The following SGIP1 variants were observed in gnomAD, a reference collection of about 807,000 sequenced individuals.
SGIP1 encodes the protein SH3GL interacting endocytic adaptor 1, also known as SH3-containing GRB2-like protein 3-interacting protein 1.
In SGIP1, 38 loss-of-function variants were observed where a neutral mutation model predicts 107.5. The ratio of observed to expected loss-of-function variants is 0.35; its 90% CI spans 0.27 to 0.46. The LOEUF (loss-of-function observed/expected upper bound fraction) is 0.46. Ranked by LOEUF, SGIP1 falls within the 20% of genes least tolerant of loss-of-function variation. The pLI is 1.00. For missense variants in SGIP1, 929 were observed against 1,019.5 expected (o/e 0.91, Z 1.21); for synonymous variants, 365 against 366.1 (o/e 1.00, Z 0.03).
At chr1:66,687,129 TTTC>T (rs1411607733) in intron 15 of SGIP1, among the ~76,000 whole-genome samples, 15 of 152,208 alleles carry the variant, frequency 9.9e-5, no homozygotes, top group African/African-American at 3.6e-4. Flanking sequence ...GGAGTTTAAA[TTTC>T]TTTTTTCTGG....
At chr1:66,689,385 A>G (rs2089299238) in intron 16 of SGIP1, 110 bp downstream of exon 16, 6 of 1,375,794 alleles carry the variant, frequency 4.4e-6, no homozygotes, top group Non-Finnish European at 5.9e-6. Context: ...CAACCCTGAC[A>G]GGTGGCATCT....
intron 1 of SGIP1, among the ~76,000 whole-genome samples, chr1:66,562,358 A>C (rs1392775867): frequency 6.6e-6 from 1 of 152,056 alleles, no homozygotes; most frequent in Non-Finnish European, 1.5e-5. Context: ...CAGGGAGATA[A>C]AATTCTTCTC....
intron 1 of SGIP1, among the ~76,000 whole-genome samples, chr1:66,576,736 C>G (rs2061121602): frequency 6.6e-6 from 1 of 152,144 alleles, no homozygotes; most frequent in Non-Finnish European, 1.5e-5. Context: ...GATCCCTCCT[C>G]TCAGAGTAGA....
intron 19 of SGIP1, among the ~76,000 whole-genome samples, chr1:66,720,576 A>T (rs529065676): frequency 5.3e-5 from 8 of 152,190 alleles, no homozygotes; most frequent in African/African-American, 1.7e-4. Flanking sequence ...AAAATACAAA[A>T]ATTGGCTGAG....
At chr1:66,704,658 C>A (rs2150266738) in intron 18 of SGIP1, 1 of 152,256 alleles carries the variant, frequency 6.6e-6, no homozygotes, top group East Asian at 1.9e-4. Context: ...GCGTTTGTTT[C>A]TATTATGTCT....
At chr1:66,648,765 G>A (rs541119958) in intron 7 of SGIP1, among the ~76,000 whole-genome samples, 1 of 152,058 alleles carries the variant, frequency 6.6e-6, no homozygotes, top group Non-Finnish European at 1.5e-5. Context: ...AGAATTTTGG[G>A]TTAATCACAA....
chr1:66,551,873 T>C (rs552060818), intron 1 of SGIP1, among the ~76,000 whole-genome samples: 4 of 152,284 alleles, frequency 2.6e-5, no homozygotes, highest in East Asian at 1.9e-4. Flanking sequence ...AATTAACTCA[T>C]AGAAGATGAC....
At position 66,690,294 on chromosome 1, in the gene SGIP1, C is replaced by A. The variant is rs759754678; in HGVS notation, c.1548C>A (p.Ser516Arg). The change falls in exon 17 of 25, where the codon AGC becomes AGA. Residue 516 changes from serine (S) to arginine (R), a missense_variant. Physicochemically the swap from Ser to Arg is moderately radical, Grantham distance 110. Around this residue, in one of 2 missense-constraint regions of SGIP1, gnomAD observed 341 missense variants for 430.9 expected, o/e 0.79. Coordinates refer to ENST00000371037, the MANE Select transcript of SGIP1 (RefSeq NM_032291.4). Reference sequence around the variant, plus strand: ...CAATATCGTCAACCAATTCCTTGAGCGCAGCCACCACTCCCACAGTTGGTA... The same window carrying A: ...CAATATCGTCAACCAATTCCTTGAGAGCAGCCACCACTCCCACAGTTGGTA... ...TSSISSTNSLSAATTPTVENE... is the reference protein window; with the variant it reads ...TSSISSTNSLRAATTPTVENE... The A allele has an allele frequency of 3.1e-6, 5 of 1,614,048 alleles. No homozygotes were observed. Among genetic ancestry groups the A allele is most frequent in the Non-Finnish European group, 4.2e-6 (5 of 1,180,030 alleles).
intron 1 of SGIP1, among the ~76,000 whole-genome samples, chr1:66,605,870 G>A (rs1436340061): frequency 2.6e-5 from 4 of 151,980 alleles, no homozygotes; most frequent in East Asian, 1.9e-4. Flanking sequence ...GAACGCTCCC[G>A]GACTGAGGCC....
intron 1 of SGIP1, among the ~76,000 whole-genome samples, chr1:66,568,068 G>T (rs1416870970): frequency 6.6e-6 from 1 of 152,052 alleles, no homozygotes; most frequent in Non-Finnish European, 1.5e-5. Flanking sequence ...GGTGGGAATT[G>T]CATTGAATGT....
At position 66,660,020 on chromosome 1, in the gene SGIP1, A is replaced by C. The variant is rs868079697; in HGVS notation, c.460-493A>C. The C allele has an allele frequency of 4.8e-3, 533 of 112,166 alleles. 74 individuals carry two copies. Among genetic ancestry groups the C allele is most frequent in the African/African-American group, 0.02 (388 of 19,118 alleles). 6.9% of individuals were successfully genotyped at this position (112,166 alleles called of 1,614,324 possible). ...AAAGACAGACAGACAGACAGACAGG[A>C]AGGAAGGAAGGAAGGAAGGAAAGAA... On this transcript the variant is annotated intron_variant, in intron 7 of 24. Transcript: ENST00000371037.
intron 7 of SGIP1, among the ~76,000 whole-genome samples, chr1:66,656,721 C>T (rs1310574220): frequency 6.6e-6 from 1 of 152,072 alleles, no homozygotes; most frequent in Non-Finnish European, 1.5e-5. Flanking sequence ...CACTAATGTC[C>T]CTAAAATAGT....
At chr1:66,635,352 G>A (rs527705208) in intron 3 of SGIP1, among the ~76,000 whole-genome samples, 2 of 152,336 alleles carry the variant, frequency 1.3e-5, no homozygotes, top group African/African-American at 4.8e-5. Flanking sequence ...TCTAATTTAT[G>A]CAGGGCAAAC....
intron 8 of SGIP1, among the ~76,000 whole-genome samples, chr1:66,663,482 T>C (rs2081944973): frequency 6.6e-6 from 1 of 152,136 alleles, no homozygotes; most frequent in South Asian, 2.1e-4. Flanking sequence ...TCTGTCCTTG[T>C]CCAGCATAGC....
chr1:66,619,348 T>C (rs1215492243), intron 1 of SGIP1, among the ~76,000 whole-genome samples: 1 of 152,222 alleles, frequency 6.6e-6, no homozygotes, highest in East Asian at 1.9e-4. Context: ...AGCAAGACTA[T>C]GAGGTGAGTA....
chr1:66,610,112 A>T (rs1314524791), intron 1 of SGIP1, among the ~76,000 whole-genome samples: 1 of 152,148 alleles, frequency 6.6e-6, no homozygotes, highest in Non-Finnish European at 1.5e-5. Context: ...AATGCTATTC[A>T]GCCAAATAGG....
chr1:66,667,684 C>G, intron 9 of SGIP1, 143 bp downstream of exon 9: 3 of 743,852 alleles, frequency 4.0e-6, no homozygotes, highest in Admixed American at 4.1e-5. Context: ...TTGAAAGCCT[C>G]TGACCCTCTT....
chr1:66,558,610 C>T (rs1200206000), intron 1 of SGIP1, among the ~76,000 whole-genome samples: 2 of 151,824 alleles, frequency 1.3e-5, no homozygotes, highest in East Asian at 3.9e-4. Context: ...TTCTGGCTAC[C>T]AAACAGGCAT....
chr1:66,650,432 A>G (rs768996494), intron 7 of SGIP1, among the ~76,000 whole-genome samples: 18 of 152,210 alleles, frequency 1.2e-4, no homozygotes, highest in Admixed American at 3.9e-4. Context: ...AGCTAATACC[A>G]GAAATACTGA....
Sources: gnomAD v4.1 joint callset for allele counts (sites outside exome capture counted in the v4.1 genomes callset) on GRCh38, gnomAD v4.1.1 for gene constraint, gnomAD v4.1.1 regional missense constraint, MANE v1.5 for transcripts, NCBI Gene and HGNC (gene_info 2026-07-23, HGNC 2026-07-21) for gene names.